The following ANO2 variants were observed in gnomAD, a reference collection of about 807,000 sequenced individuals.
The protein encoded by ANO2 is anoctamin-2.
Under a neutral mutation model 124.2 loss-of-function variants are expected in ANO2, and 101 were observed. That is an observed-to-expected ratio of 0.81 (90% CI 0.69 to 0.96). The LOEUF (loss-of-function observed/expected upper bound fraction) is 0.96, where lower values mean the gene tolerates loss of function less well. ANO2 is among the 40% of genes least tolerant of loss of function. The pLI, the probability that ANO2 is intolerant of heterozygous loss-of-function variation, is 0.00. For missense variants in ANO2, 1,293 were observed against 1,274.5 expected (o/e 1.01, Z -0.22); for synonymous variants, 486 against 482.5 (o/e 1.01, Z -0.09).
chr12:5,663,087 G>A (rs530693922), intron 14 of ANO2, among the ~76,000 whole-genome samples: 5 of 152,256 alleles, frequency 3.3e-5, no homozygotes, highest in African/African-American at 7.2e-5. Flanking sequence ...TCCTTCCTGC[G>A]TGGCCTGCAG....
At chr12:5,857,396 G>A (rs1044957753) in intron 3 of ANO2, among the ~76,000 whole-genome samples, 3 of 152,190 alleles carry the variant, frequency 2.0e-5, no homozygotes, top group Non-Finnish European at 4.4e-5. Context: ...ACCCAAGAAT[G>A]GGATTGCTAG....
At chr12:5,868,110 A>G (rs952516061) in intron 3 of ANO2, among the ~76,000 whole-genome samples, 5 of 152,152 alleles carry the variant, frequency 3.3e-5, no homozygotes, top group African/African-American at 1.2e-4. Context: ...AGGGACAGAT[A>G]CCCCATTGTC....
At chr12:5,809,491 T>A (rs1028625552) in intron 7 of ANO2, among the ~76,000 whole-genome samples, 1 of 152,168 alleles carries the variant, frequency 6.6e-6, no homozygotes, top group Non-Finnish European at 1.5e-5. Context: ...CCCAAAACTC[T>A]GTGGAAAAGT....
intron 3 of ANO2, among the ~76,000 whole-genome samples, chr12:5,871,949 C>G (rs955461135): frequency 2.0e-5 from 3 of 152,156 alleles, no homozygotes; most frequent in Admixed American, 2.0e-4. Context: ...ACAGCACATG[C>G]TCAGGAAAGC....
At chr12:5,660,849 CTG>C (rs1271323430) in intron 14 of ANO2, among the ~76,000 whole-genome samples, 1 of 152,174 alleles carries the variant, frequency 6.6e-6, no homozygotes, top group African/African-American at 2.4e-5. Context: ...TATTCAGTCG[CTG>C]TGTTGGTCAA....
At chr12:5,804,800 G>A (rs942049275) in intron 9 of ANO2, among the ~76,000 whole-genome samples, 1 of 152,152 alleles carries the variant, frequency 6.6e-6, no homozygotes, top group Non-Finnish European at 1.5e-5. Flanking sequence ...ACAGAAGGCT[G>A]ACTGATCTCT....
Position 5,599,624 on chromosome 12 carries a change from A to G in ANO2, c.2093T>C (p.Leu698Pro), listed in dbSNP as rs771355057. 1.2e-6 allele frequency: 2 copies of G among 1,613,582 alleles called. No homozygotes were observed. The highest frequency in any genetic ancestry group is 3.3e-4 in the Middle Eastern group (2 of 6,062). Residue 698 changes from leucine (L) to proline (P), a missense_variant, in exon 20 of 25, where the codon CTA becomes CCA. Coordinates refer to ENST00000682330, the MANE Select transcript of ANO2 (RefSeq NM_001364791.2). Reference sequence around the variant, plus strand: ...TTTCAGCTTTCGAAATAGTTTCTTTAGCTTCCTGGAAAAGAAATGGATTAA... The same window carrying G: ...TTTCAGCTTTCGAAATAGTTTCTTTGGCTTCCTGGAAAAGAAATGGATTAA... Reference protein sequence around the residue: ...NNIFEIGVPKLKKLFRKLKDE... With the variant: ...NNIFEIGVPKPKKLFRKLKDE...
chr12:5,610,727 T>TATACATATATATATATATATATATAC (rs888630348), intron 19 of ANO2, among the ~76,000 whole-genome samples: 1 of 134,788 alleles, frequency 7.4e-6, no homozygotes, highest in Non-Finnish European at 1.6e-5. Flanking sequence ...TATATACATA[T>TATACATATATATATATATATATATAC]ATATATATAT....
intron 14 of ANO2, among the ~76,000 whole-genome samples, chr12:5,692,975 C>G (rs1949008869): frequency 6.6e-6 from 1 of 152,162 alleles, no homozygotes; most frequent in African/African-American, 2.4e-5. Flanking sequence ...CGCATGACCC[C>G]CTGGGACTCC....
chr12:5,567,070 G>A (rs1252250873), intron 23 of ANO2, among the ~76,000 whole-genome samples: 1 of 152,254 alleles, frequency 6.6e-6, no homozygotes, highest in East Asian at 1.9e-4. Context: ...CGCAGTGATA[G>A]AATCAGCAAC....
intron 4 of ANO2, among the ~76,000 whole-genome samples, chr12:5,847,689 A>G (rs1954726066): frequency 6.6e-6 from 1 of 152,234 alleles, no homozygotes; most frequent in East Asian, 1.9e-4. Flanking sequence ...CCTGAGAACA[A>G]TTTCCAATCA....
intron 11 of ANO2, among the ~76,000 whole-genome samples, chr12:5,749,335 A>G (rs929445401): frequency 5.9e-5 from 9 of 152,222 alleles, no homozygotes; most frequent in Admixed American, 2.6e-4. Context: ...CCTAGCCACA[A>G]TGAATTGGCC....
intron 11 of ANO2, among the ~76,000 whole-genome samples, chr12:5,744,985 A>C (rs1951224617): frequency 6.6e-6 from 1 of 152,266 alleles, no homozygotes; most frequent in South Asian, 2.1e-4. Flanking sequence ...TGAAAGAGCA[A>C]GGCAAATTCT....
chr12:5,920,650 G>A (rs1013271953), intron 3 of ANO2, among the ~76,000 whole-genome samples: 2 of 152,152 alleles, frequency 1.3e-5, no homozygotes, highest in African/African-American at 4.8e-5. Context: ...CAGATCAGAA[G>A]GTCGGGAGAT....
intron 20 of ANO2, among the ~76,000 whole-genome samples, chr12:5,582,164 A>C (rs1174589307): frequency 2.0e-5 from 3 of 152,244 alleles, no homozygotes; most frequent in Non-Finnish European, 4.4e-5. Context: ...CGTGCGCTGC[A>C]TAATAGAAGC....
chr12:5,717,887 T>C (rs1467833814), intron 14 of ANO2, among the ~76,000 whole-genome samples: 1 of 152,252 alleles, frequency 6.6e-6, no homozygotes, highest in Non-Finnish European at 1.5e-5. Flanking sequence ...AGCTTTCCTC[T>C]GGACTTTGTT....
upstream of ANO2, among the ~76,000 whole-genome samples, chr12:5,945,717 C>T (rs1181315531): frequency 1.3e-5 from 2 of 152,242 alleles, no homozygotes; most frequent in African/African-American, 4.8e-5. Context: ...CCCTGGACGG[C>T]GGATCTCCCA....
intron 3 of ANO2, among the ~76,000 whole-genome samples, chr12:5,863,237 T>C (rs1372301366): frequency 6.6e-6 from 1 of 152,224 alleles, no homozygotes; most frequent in Non-Finnish European, 1.5e-5. Context: ...ACTCAACCCC[T>C]GAGCTGCAGA....
chr12:5,814,326 A>G (rs748534770), intron 7 of ANO2, among the ~76,000 whole-genome samples: 8 of 152,188 alleles, frequency 5.3e-5, no homozygotes, highest in Non-Finnish European at 1.0e-4. Flanking sequence ...GGGGTGTGCT[A>G]TTTGTTCCTA....
Sources: allele counts gnomAD v4.1 joint callset (sites outside exome capture counted in the v4.1 genomes callset), GRCh38; gene constraint gnomAD v4.1.1; transcripts MANE v1.5; gene names NCBI Gene and HGNC (gene_info 2026-07-23, HGNC 2026-07-21).